Variants in ACTR3C observed in about 807,000 individuals in gnomAD.
ACTR3C encodes actin-related protein 3C.
In ACTR3C, 18 loss-of-function variants were observed where a neutral mutation model predicts 26.3. The ratio of observed to expected loss-of-function variants is 0.68; its 90% CI spans 0.47 to 1.01. The LOEUF is 1.01. ACTR3C is among the 50% of genes least tolerant of loss of function. The pLI, the probability that ACTR3C is intolerant of heterozygous loss-of-function variation, is 0.00. For missense variants in ACTR3C, 184 were observed against 250.7 expected, an observed-to-expected ratio of 0.73 and a Z score of 1.80; for synonymous variants, 55 against 94.5, an observed-to-expected ratio of 0.58 and a Z score of 2.42.
the ACTR3C span, among the ~76,000 whole-genome samples, chr7:150,167,458 T>C: frequency 2.0e-5 from 3 of 150,888 alleles, no homozygotes; most frequent in Non-Finnish European, 4.4e-5. Flanking sequence ...TGCATAAATA[T>C]TGGGATAATA....
the ACTR3C span, among the ~76,000 whole-genome samples, chr7:149,955,862 C>T: frequency 2.6e-5 from 4 of 152,110 alleles, no homozygotes; most frequent in Admixed American, 2.6e-4. Context: ...CAGCTTCTCA[C>T]AAAGACAGTC....
chr7:150,242,741 A>C (rs879367034), downstream of ACTR3C, among the ~76,000 whole-genome samples: 11 of 152,144 alleles, frequency 7.2e-5, no homozygotes, highest in African/African-American at 2.7e-4. Context: ...CCTAAGCCTA[A>C]AGAGTGATTT....
chr7:149,955,886 G>A, the ACTR3C span, among the ~76,000 whole-genome samples: 1 of 152,046 alleles, frequency 6.6e-6, no homozygotes, highest in Admixed American at 6.5e-5. Context: ...AAGGACAAAA[G>A]ACAAAATGGT....
chr7:150,098,549 A>C, the ACTR3C span, among the ~76,000 whole-genome samples: 1 of 151,744 alleles, frequency 6.6e-6, no homozygotes, highest in African/African-American at 2.4e-5. Context: ...TCCTCCTCTT[A>C]AACTGCATGC....
At chr7:150,271,077 GAGGGCC>G (rs985307750) in intron 6 of ACTR3C, among the ~76,000 whole-genome samples, 3 of 143,864 alleles carry the variant, frequency 2.1e-5, no homozygotes, top group African/African-American at 8.6e-5. Context: ...CCCTGCCCTT[GAGGGCC>G]AATCAACGTC....
At chr7:150,069,961 G>T in the ACTR3C span, among the ~76,000 whole-genome samples, 1 of 152,192 alleles carries the variant, frequency 6.6e-6, no homozygotes, top group East Asian at 1.9e-4. Context: ...TCAGGTAAAG[G>T]TATCACAAGA....
At chr7:150,027,266 G>C in the ACTR3C span, among the ~76,000 whole-genome samples, 1 of 152,102 alleles carries the variant, frequency 6.6e-6, no homozygotes, top group African/African-American at 2.4e-5. Flanking sequence ...CATTGCATAT[G>C]AGAAACTGTT....
the ACTR3C span, among the ~76,000 whole-genome samples, chr7:150,180,038 G>A: frequency 6.6e-6 from 1 of 151,104 alleles, no homozygotes; most frequent in Non-Finnish European, 1.5e-5. Flanking sequence ...GGGCGCAGTG[G>A]CTCATGCCTG....
chr7:150,036,862 CAG>C, the ACTR3C span, among the ~76,000 whole-genome samples: 52 of 118,186 alleles, frequency 4.4e-4, 4 homozygotes, highest in Non-Finnish European at 9.3e-4. Context: ...GGTCCTAAGC[CAG>C]GGGGGGATGA....
At chr7:150,059,634 T>C in the ACTR3C span, among the ~76,000 whole-genome samples, 2 of 152,208 alleles carry the variant, frequency 1.3e-5, no homozygotes, top group African/African-American at 4.8e-5. Flanking sequence ...AGAGAAATAA[T>C]GCTTTAGCAA....
chr7:149,990,122 C>T, the ACTR3C span, among the ~76,000 whole-genome samples: 2 of 152,116 alleles, frequency 1.3e-5, no homozygotes, highest in East Asian at 1.9e-4. Context: ...TCTTTTCTCT[C>T]CAGGGACTTT....
At chr7:150,195,107 GTATATATA>G in the ACTR3C span, among the ~76,000 whole-genome samples, 1 of 138,490 alleles carries the variant, frequency 7.2e-6, no homozygotes, top group African/African-American at 2.6e-5. Flanking sequence ...ATACATATAT[GTATATATA>G]TATATATGTA....
chr7:149,956,270 T>A, the ACTR3C span, among the ~76,000 whole-genome samples: 1 of 152,218 alleles, frequency 6.6e-6, no homozygotes, highest in Non-Finnish European at 1.5e-5. Context: ...CTTTAAAGGA[T>A]TCCTGGCTGG....
At chr7:150,239,938 A>T (rs1029023960), downstream of ACTR3C, among the ~76,000 whole-genome samples, 51 of 152,194 alleles carry the variant, frequency 3.4e-4, no homozygotes, top group Non-Finnish European at 2.2e-4. Flanking sequence ...AATTTTTATT[A>T]GAGATGGGTT....
At chr7:150,088,641 A>C in the ACTR3C span, among the ~76,000 whole-genome samples, 1 of 152,326 alleles carries the variant, frequency 6.6e-6, no homozygotes, top group African/African-American at 2.4e-5. Flanking sequence ...AAAAGATATT[A>C]CATATGAAAG....
At chr7:150,218,941 T>TGAAA in the ACTR3C span, among the ~76,000 whole-genome samples, 1 of 151,248 alleles carries the variant, frequency 6.6e-6, no homozygotes. Context: ...AATGTAAATG[T>TGAAA]GAAACATATA....
At chr7:149,913,837 C>A in the ACTR3C span, among the ~76,000 whole-genome samples, 1 of 150,684 alleles carries the variant, frequency 6.6e-6, no homozygotes, top group Non-Finnish European at 1.5e-5. Context: ...ATCTATAATA[C>A]TGAAGTTTAA....
At chr7:149,903,854 G>T in the ACTR3C span, among the ~76,000 whole-genome samples, 3 of 96,054 alleles carry the variant, frequency 3.1e-5, no homozygotes, top group African/African-American at 8.4e-5. Context: ...CTCTGTGTAC[G>T]AGTGTAAGGG....
At chr7:149,902,742 C>T in the ACTR3C span, among the ~76,000 whole-genome samples, 5 of 79,892 alleles carry the variant, frequency 6.3e-5, 1 homozygote, top group East Asian at 9.5e-4. Context: ...CCCACAAGTT[C>T]GAGACCAGGA....
Sources: gnomAD v4.1 joint callset for allele counts (sites outside exome capture counted in the v4.1 genomes callset) on GRCh38, gnomAD v4.1.1 for gene constraint, MANE v1.5 for transcripts, NCBI Gene and HGNC (gene_info 2026-07-23, HGNC 2026-07-21) for gene names.